The following DNAH8 variants were observed in gnomAD, a reference collection of about 807,000 sequenced individuals.
DNAH8 encodes axonemal beta dynein heavy chain 8.
A neutral mutation model predicts 562.1 loss-of-function variants in DNAH8; 382 were observed. The observed-to-expected ratio is 0.68, with a 90% CI of 0.63 to 0.74. DNAH8 has a LOEUF of 0.74. DNAH8 is among the 30% of genes least tolerant of loss of function. The pLI, the probability that DNAH8 is intolerant of heterozygous loss-of-function variation, is 0.00. For synonymous variants in DNAH8, 1,881 were observed against 1,919.4 expected (o/e 0.98, Z 0.52); for missense variants, 5,203 against 5,620.4 (o/e 0.93, Z 2.37).
chr6:38,873,524 C>G (rs1777635556), intron 52 of DNAH8, 148 bp downstream of exon 52: 2 of 690,678 alleles, frequency 2.9e-6, no homozygotes, highest in Non-Finnish European at 4.6e-6. Context: ...ATTTTGATTT[C>G]TATTAAAGAT....
chr6:38,793,525 C>T (rs2127660593), intron 21 of DNAH8, among the ~76,000 whole-genome samples: 1 of 151,840 alleles, frequency 6.6e-6, no homozygotes, highest in South Asian at 2.1e-4. Flanking sequence ...TTTGGATTCT[C>T]CTATTTTAGA....
rs1427503743 is a variant in DNAH8, at chr6:38,723,169, C to A, written c.360C>A (p.Pro120=). The part of the protein sequence containing the change: ...SRYRRSMSGL[P]NLQETLKERQ... ...ACCGCCGGAGTATGAGTGGCCTTCC[C>A]AATCTACAGGAAACATTAAAAGAGA... Residue 120 remains proline (P), a synonymous_variant, in exon 2 of 93, where the codon CCC becomes CCA. Transcript: ENST00000327475. The A allele has an allele frequency of 2.5e-6, 4 of 1,612,180 alleles. No homozygotes were observed. Among genetic ancestry groups the A allele is most frequent in the Non-Finnish European group, 3.4e-6 (4 of 1,179,806 alleles).
chr6:38,723,409 C>G lies in DNAH8; in HGVS notation c.463C>G (p.Leu155Val). 1.2e-6 allele frequency: 2 copies of G among 1,612,464 alleles called. No homozygotes were observed. The highest frequency in any genetic ancestry group is 2.2e-5 in the East Asian group (1 of 44,860). ...DPSYKYIFEI[L>V]AENLGLDIVT... is the part of the protein sequence containing the mutation. Reference sequence around the variant, plus strand: ...TTCATACAAATATATATTTGAAATTCTAGCAGAAAATCTTGGCCTGGACAT... The same window carrying G: ...TTCATACAAATATATATTTGAAATTGTAGCAGAAAATCTTGGCCTGGACAT... The change falls in exon 3 of 93, where the codon CTA (leucine) becomes GTA (valine). Residue 155 changes from leucine to valine, a missense_variant. Around this residue, in one of 6 missense-constraint regions of DNAH8, gnomAD observed 556 missense variants for 496.9 expected, o/e 1.12. Coordinates refer to ENST00000327475, the MANE Select transcript of DNAH8 (RefSeq NM_001206927.2).
intron 63 of DNAH8, among the ~76,000 whole-genome samples, chr6:38,907,059 G>A (rs951354521): frequency 6.6e-6 from 1 of 152,188 alleles, no homozygotes; most frequent in African/African-American, 2.4e-5. Flanking sequence ...GTGGTCCCAA[G>A]CATTTTGAAT....
rs570869676 is a variant in DNAH8, at chr6:38,776,637, G to A, written c.1962+686G>A. On this transcript the variant is annotated intron_variant, in intron 13 of 92. Transcript: ENST00000327475. Reference sequence around the variant, plus strand: ...GATTTGAGAACAGATTAGGAAGATGGATCACTCTTCCTGTGGCCTTATGCT... The same window carrying A: ...GATTTGAGAACAGATTAGGAAGATGAATCACTCTTCCTGTGGCCTTATGCT... Among the ~76,000 whole-genome samples, 409 of 152,276 alleles carry A rather than the reference G, an allele frequency of 2.7e-3. 2 individuals are homozygous for A. The South Asian group carries it at 0.031, about 11-fold the overall frequency.
At chr6:38,741,450 C>T (rs2127585591) in intron 7 of DNAH8, among the ~76,000 whole-genome samples, 1 of 140,168 alleles carries the variant, frequency 7.1e-6, no homozygotes, top group African/African-American at 2.6e-5. Flanking sequence ...AAAAAACTAC[C>T]TCCCCCCCGA....
In DNAH8 at chr6:38,722,997, A is replaced by C. The variant is rs1186567798; in HGVS notation, c.188A>C (p.Asp63Ala). ...DAVSSVVDYR[D>A]LIPSEEGIVL... is the part of the protein sequence containing the mutation. ...GTTTCTTCTGTGGTGGATTATCGGG[A>C]TCTCATTCCTTCTGAAGAAGGGATA... is the stretch of plus-strand genomic sequence containing the variant. Residue 63 changes from aspartate to alanine, a missense_variant, in exon 2 of 93, where the codon GAT (aspartate) becomes GCT (alanine). By Grantham distance (126) the Asp-to-Ala change is moderately radical (BLOSUM62 -2). Transcript: ENST00000327475. The C allele has an allele frequency of 6.2e-7, 1 of 1,612,716 alleles. No individual in the cohort carries two copies.
At chr6:38,736,583 A>T (rs1225889595) in intron 5 of DNAH8, among the ~76,000 whole-genome samples, 1 of 151,744 alleles carries the variant, frequency 6.6e-6, no homozygotes, top group Non-Finnish European at 1.5e-5. Context: ...CTGGCTTGGG[A>T]TTTCTAAGTC....
chr6:38,802,682 C>T (rs1770888623), intron 21 of DNAH8, among the ~76,000 whole-genome samples: 1 of 152,150 alleles, frequency 6.6e-6, no homozygotes, highest in African/African-American at 2.4e-5. Context: ...CATAATATTA[C>T]TCACCCCATT....
chr6:38,821,800 G>C (rs1017292639), intron 26 of DNAH8, among the ~76,000 whole-genome samples: 1 of 152,256 alleles, frequency 6.6e-6, no homozygotes, highest in African/African-American at 2.4e-5. Context: ...GGACTCAAAC[G>C]ATCTCCCCGC....
rs973451647 is a variant in DNAH8 at position 38,982,467 on chromosome 6, G to A, written c.12951+5G>A. 2 of 1,326,794 alleles carry A rather than the reference G, an allele frequency of 1.5e-6. No homozygotes were observed. The highest frequency in any genetic ancestry group is 2.2e-6 in the Non-Finnish European group (2 of 919,586). The allele number at this position is 1,326,794 out of a possible 1,614,324, so 82.2% of individuals were successfully genotyped here. ...GATGAATGCGATATTAAGAAAGTGA[G>A]TGAAATTATGCCTTTTTTCCTGTTT... On this transcript the variant is annotated splice_donor_5th_base_variant and intron_variant, in intron 86 of 92. Coordinates refer to ENST00000327475, the MANE Select transcript of DNAH8 (RefSeq NM_001206927.2).
chr6:38,916,166 C>T (rs529362324), intron 68 of DNAH8, among the ~76,000 whole-genome samples: 4 of 152,200 alleles, frequency 2.6e-5, no homozygotes, highest in African/African-American at 9.6e-5. Flanking sequence ...CTGTCTGTCT[C>T]TTCAACTTTA....
Position 38,822,818 on chromosome 6 carries a change from GT to G in DNAH8, c.3524-19del. 6.6e-7 allele frequency: 1 copy of G among 1,523,666 alleles called. No homozygotes were observed. The highest frequency in any genetic ancestry group is 8.8e-7 in the Non-Finnish European group (1 of 1,137,318). 94.4% of individuals were successfully genotyped at this position (1,523,666 alleles called of 1,614,324 possible). The stretch of plus-strand genomic sequence containing the variant: ...GTTGAATATAGAAGTTATTTATAGT[GT>G]AAAAACATCTGTTTTCAGGATCTTT... On this transcript the variant is annotated intron_variant, in intron 26 of 92. Coordinates refer to ENST00000327475, the MANE Select transcript of DNAH8 (RefSeq NM_001206927.2).
At chr6:38,807,238 CT>C (rs1771359584) in intron 23 of DNAH8, among the ~76,000 whole-genome samples, 1 of 152,154 alleles carries the variant, frequency 6.6e-6, no homozygotes, top group African/African-American at 2.4e-5. Flanking sequence ...GACTAGTTAT[CT>C]TCTTGTGCCC....
intron 21 of DNAH8, among the ~76,000 whole-genome samples, chr6:38,800,130 T>C (rs1770646174): frequency 6.6e-6 from 1 of 152,026 alleles, no homozygotes; most frequent in Non-Finnish European, 1.5e-5. Context: ...ACATTTTATC[T>C]ATCCATTCAC....
At chr6:38,916,806 T>C (rs942071403) in intron 68 of DNAH8, among the ~76,000 whole-genome samples, 3 of 152,220 alleles carry the variant, frequency 2.0e-5, no homozygotes, top group African/African-American at 7.2e-5. Context: ...AGTAATTTTC[T>C]TGTCTCCTTC....
rs1005307902 is a variant in DNAH8, at chr6:38,864,030, A to C, written c.6468A>C (p.Leu2156Phe). ...TTTCTGATGGTGATTGTGTTGATTTAAATCCAGAATTTGGAATCTTCTTAA... is the reference window on the plus strand; with the variant it reads ...TTTCTGATGGTGATTGTGTTGATTTCAATCCAGAATTTGGAATCTTCTTAA... ...FIFSDGDCVD[L>F]NPEFGIFLTM... is the part of the protein sequence containing the mutation. Residue 2156 changes from leucine (L) to phenylalanine (F), a missense_variant, in exon 45 of 93, where the codon TTA becomes TTC. Physicochemically the swap from Leu to Phe is conservative, Grantham distance 22. Around this residue, in one of 6 missense-constraint regions of DNAH8, gnomAD observed 2,176 missense variants for 2,365.1 expected, o/e 0.92. Coordinates refer to ENST00000327475, the MANE Select transcript of DNAH8 (RefSeq NM_001206927.2). The C allele has an allele frequency of 6.2e-7, 1 of 1,607,986 alleles. No homozygotes were observed. Among genetic ancestry groups the C allele is most frequent in the Non-Finnish European group, 8.5e-7 (1 of 1,178,752 alleles).
At chr6:38,832,034 C>T (rs571800176) in intron 30 of DNAH8, among the ~76,000 whole-genome samples, 41 of 152,216 alleles carry the variant, frequency 2.7e-4, no homozygotes, top group African/African-American at 8.9e-4. Flanking sequence ...CAACATGTGA[C>T]CCAGACCATG....
Position 38,931,914 on chromosome 6 carries a change from C to T in DNAH8, c.11378C>T (p.Thr3793Met), listed in dbSNP as rs370303492. 34 of 1,611,130 alleles carry T rather than the reference C, an allele frequency of 2.1e-5. No homozygotes were observed. The highest frequency in any genetic ancestry group is 1.7e-4 in the Admixed American group (10 of 59,544). Residue 3793 changes from threonine (T) to methionine (M), a missense_variant, in exon 76 of 93, where the codon ACG (threonine) becomes ATG (methionine). Transcript: ENST00000327475. Reference sequence around the variant, plus strand: ...TTTACCCCAGAGATTAATGCTAAAACGTCAGTCATTGATTTCACTGTTACA... The same window carrying T: ...TTTACCCCAGAGATTAATGCTAAAATGTCAGTCATTGATTTCACTGTTACA... ...PAFTPEINAK[T>M]SVIDFTVTMK...
Sources: gnomAD v4.1 joint callset for allele counts (sites outside exome capture counted in the v4.1 genomes callset) on GRCh38, gnomAD v4.1.1 for gene constraint, gnomAD v4.1.1 regional missense constraint, MANE v1.5 for transcripts, NCBI Gene and HGNC (gene_info 2026-07-23, HGNC 2026-07-21) for gene names.